LRMDA: variants seen among roughly 807,000 people sequenced by gnomAD.
LRMDA encodes leucine rich melanocyte differentiation associated.
In LRMDA, 18 loss-of-function variants were observed where a neutral mutation model predicts 29.8. That is an observed-to-expected ratio of 0.60 (90% CI 0.42 to 0.90). The LOEUF is 0.90. Ranked by LOEUF, LRMDA falls within the 40% of genes least tolerant of loss-of-function variation. The probability of loss-of-function intolerance (pLI) is 0.00; values close to 1 mark genes in which losing one functional copy is unlikely to be tolerated. For missense variants in LRMDA, 273 were observed against 273.9 expected, an observed-to-expected ratio of 1.00 and a Z score of 0.02; for synonymous variants, 125 against 109.4, an observed-to-expected ratio of 1.14 and a Z score of -0.89.
At chr10:75,524,019 A>G (rs969148498) in intron 2 of LRMDA, among the ~76,000 whole-genome samples, 8 of 152,228 alleles carry the variant, frequency 5.3e-5, no homozygotes, top group African/African-American at 1.9e-4. Flanking sequence ...TATGGGGATA[A>G]CATTCCTAAC....
intron 2 of LRMDA, among the ~76,000 whole-genome samples, chr10:75,611,823 C>T (rs982288913): frequency 1.3e-5 from 2 of 152,192 alleles, no homozygotes; most frequent in Non-Finnish European, 2.9e-5. Context: ...GGCCAAATGC[C>T]GTCAGCTAGT....
chr10:76,050,700 C>T (rs555062078), intron 4 of LRMDA, among the ~76,000 whole-genome samples: 1 of 152,314 alleles, frequency 6.6e-6, no homozygotes, highest in South Asian at 2.1e-4. Context: ...ACTGAGAAAC[C>T]ACTTTAGTGC....
chr10:75,655,415 C>A (rs539447710), intron 2 of LRMDA, among the ~76,000 whole-genome samples: 43 of 152,360 alleles, frequency 2.8e-4, no homozygotes, highest in African/African-American at 7.5e-4. Context: ...TGCCAGTTCC[C>A]TTGGCAGGTG....
At chr10:76,377,639 C>T (rs75988069) in intron 6 of LRMDA, among the ~76,000 whole-genome samples, 1 of 152,166 alleles carries the variant, frequency 6.6e-6, no homozygotes, top group Non-Finnish European at 1.5e-5. Context: ...ATATGATGTC[C>T]TTTCTCCAGT....
chr10:76,393,921 T>C (rs1841753039), intron 6 of LRMDA, among the ~76,000 whole-genome samples: 2 of 152,210 alleles, frequency 1.3e-5, no homozygotes, highest in South Asian at 4.1e-4. Flanking sequence ...GAGACCGTCC[T>C]TTCTGCATTG....
At position 76,195,302 on chromosome 10, in the gene LRMDA, C is replaced by T. The variant is rs146510320; in HGVS notation, c.517-129099C>T. 8.1e-4 allele frequency among the ~76,000 whole-genome samples: 124 copies of T among 152,322 alleles called. 1 individual carries two copies. The highest frequency in any genetic ancestry group is 2.8e-3 in the African/African-American group (117 of 41,576). ...AAGGTTCCAGCAAAAGGCAACTCTT[C>T]TTGACCTTGTACCATTGAAAGTCAC... On this transcript the variant is annotated intron_variant, in intron 5 of 6. Coordinates refer to ENST00000611255, the MANE Select transcript of LRMDA (RefSeq NM_001305581.2).
chr10:76,242,813 G>C (rs1215755303), intron 5 of LRMDA, among the ~76,000 whole-genome samples: 2 of 152,198 alleles, frequency 1.3e-5, no homozygotes, highest in Non-Finnish European at 2.9e-5. Flanking sequence ...ACACCGAGTT[G>C]TCCTACATCT....
intron 2 of LRMDA, among the ~76,000 whole-genome samples, chr10:75,850,830 G>C (rs1844719520): frequency 6.6e-6 from 1 of 152,128 alleles, no homozygotes; most frequent in South Asian, 2.1e-4. Flanking sequence ...TGAAAGACAA[G>C]AGGAATTCAT....
intron 2 of LRMDA, among the ~76,000 whole-genome samples, chr10:76,002,780 T>G (rs940781267): frequency 2.0e-5 from 3 of 151,976 alleles, no homozygotes; most frequent in African/African-American, 7.2e-5. Flanking sequence ...ACAAAAAAAG[T>G]TTTTTTCCTA....
At chr10:75,921,154 G>T (rs1047294340) in intron 2 of LRMDA, among the ~76,000 whole-genome samples, 2 of 152,062 alleles carry the variant, frequency 1.3e-5, no homozygotes, top group African/African-American at 4.8e-5. Flanking sequence ...CTGGAGACCT[G>T]GTTCTTTTGT....
intron 6 of LRMDA, among the ~76,000 whole-genome samples, chr10:76,400,309 T>G (rs1057147165): frequency 1.3e-5 from 2 of 152,176 alleles, no homozygotes. Context: ...CCAGCCCTGG[T>G]CTGTACCTTG....
intron 2 of LRMDA, among the ~76,000 whole-genome samples, chr10:75,731,142 C>T (rs1348603423): frequency 6.6e-6 from 1 of 152,138 alleles, no homozygotes; most frequent in Non-Finnish European, 1.5e-5. Flanking sequence ...ACATGGTAAC[C>T]CAATTCAGAG....
chr10:75,684,998 CAAACAGGGGCA>C (rs1395318492), intron 2 of LRMDA, among the ~76,000 whole-genome samples: 1 of 152,198 alleles, frequency 6.6e-6, no homozygotes, highest in Non-Finnish European at 1.5e-5. Flanking sequence ...AAATGCCTAC[CAAACAGGGGCA>C]ATGATTTCTT....
intron 5 of LRMDA, among the ~76,000 whole-genome samples, chr10:76,278,683 T>G (rs1840166093): frequency 6.6e-6 from 1 of 152,210 alleles, no homozygotes; most frequent in Non-Finnish European, 1.5e-5. Context: ...AACATTTTCT[T>G]TTATAGAAAT....
chr10:75,892,437 A>G (rs1413074297), intron 2 of LRMDA, among the ~76,000 whole-genome samples: 1 of 152,144 alleles, frequency 6.6e-6, no homozygotes, highest in Non-Finnish European at 1.5e-5. Flanking sequence ...CTCACTACTT[A>G]CAGGTGTTCT....
At chr10:76,463,816 G>T (rs1296885537) in intron 6 of LRMDA, among the ~76,000 whole-genome samples, 1 of 152,066 alleles carries the variant, frequency 6.6e-6, no homozygotes, top group African/African-American at 2.4e-5. Flanking sequence ...CCCCAAATAG[G>T]ATGTGAACGC....
intron 5 of LRMDA, among the ~76,000 whole-genome samples, chr10:76,116,465 G>A (rs1396700200): frequency 6.6e-6 from 1 of 152,116 alleles, no homozygotes; most frequent in Non-Finnish European, 1.5e-5. Context: ...TAGAACCCCA[G>A]GCTTCCTATT....
intron 5 of LRMDA, among the ~76,000 whole-genome samples, chr10:76,148,383 G>A (rs1254600081): frequency 6.6e-6 from 1 of 152,082 alleles, no homozygotes; most frequent in Non-Finnish European, 1.5e-5. Context: ...ACAACTAACT[G>A]GGCAATGGCG....
chr10:75,979,369 A>T (rs149005968), intron 2 of LRMDA, among the ~76,000 whole-genome samples: 1 of 152,356 alleles, frequency 6.6e-6, no homozygotes, highest in East Asian at 1.9e-4. Context: ...TAATGACTTT[A>T]TTAACAATTA....
Sources: allele counts gnomAD v4.1 joint callset (sites outside exome capture counted in the v4.1 genomes callset), GRCh38; gene constraint gnomAD v4.1.1; transcripts MANE v1.5; gene names NCBI Gene and HGNC (gene_info 2026-07-23, HGNC 2026-07-21).